Variants in COL26A1 observed in about 807,000 individuals in gnomAD.
COL26A1 encodes collagen alpha-1(XXVI) chain.
COL26A1 carries 41 observed loss-of-function variants against 59.3 expected under a neutral mutation model. The observed-to-expected ratio is 0.69, with a 90% CI of 0.54 to 0.90. The LOEUF (loss-of-function observed/expected upper bound fraction) is 0.90. COL26A1 is among the 40% of genes least tolerant of loss of function. COL26A1 has a pLI of 0.00. For synonymous variants in COL26A1, 266 were observed against 256.0 expected, an observed-to-expected ratio of 1.04 and a Z score of -0.37; for missense variants, 612 against 602.3, an observed-to-expected ratio of 1.02 and a Z score of -0.17.
chr7:101,534,559 GAC>G (rs1478955176), intron 4 of COL26A1, among the ~76,000 whole-genome samples: 1 of 151,716 alleles, frequency 6.6e-6, no homozygotes, highest in Non-Finnish European at 1.5e-5. Context: ...CAAAAACAGG[GAC>G]ACACATATGT....
intron 1 of COL26A1, among the ~76,000 whole-genome samples, chr7:101,407,925 A>G (rs1486913341): frequency 6.6e-6 from 1 of 152,150 alleles, no homozygotes; most frequent in Non-Finnish European, 1.5e-5. Flanking sequence ...GCATACCATT[A>G]AGATGGGTAT....
At position 101,555,914 on chromosome 7, in the gene COL26A1, C is replaced by T. The variant is rs73413438; in HGVS notation, c.1165+43C>T. The T allele has an allele frequency of 2.2e-3, 3,309 of 1,497,684 alleles. 59 individuals are homozygous for T. The African/African-American group carries it at 0.039, about 18-fold the overall frequency. The allele number at this position is 1,497,684 out of a possible 1,614,324, so 92.8% of individuals were successfully genotyped here. On this transcript the variant is annotated intron_variant, in intron 12 of 12. Transcript: ENST00000313669. ...TCAGCGGGCTGGGAATCTCTCTCCC[C>T]TCCTTCCTCTCCCAATGCTGCCCTC...
At chr7:101,385,250 T>TATATATATAC (rs1554403690) in intron 1 of COL26A1, among the ~76,000 whole-genome samples, 2 of 147,766 alleles carry the variant, frequency 1.4e-5, no homozygotes, top group Admixed American at 1.4e-4. Flanking sequence ...TATATATATA[T>TATATATATAC]ACACACACAC....
chr7:101,406,921 G>T (rs1296066404), intron 1 of COL26A1, among the ~76,000 whole-genome samples: 2 of 152,242 alleles, frequency 1.3e-5, no homozygotes, highest in Non-Finnish European at 2.9e-5. Flanking sequence ...CTGCACTCCA[G>T]CCCGGGCAAC....
chr7:101,542,795 C>CT (rs1001539573), intron 5 of COL26A1, among the ~76,000 whole-genome samples: 3 of 111,616 alleles, frequency 2.7e-5, no homozygotes, highest in African/African-American at 1.7e-4. Context: ...CTCACTCTGG[C>CT]CCCCGGCCTA....
chr7:101,420,667 T>C (rs77781249), intron 2 of COL26A1, among the ~76,000 whole-genome samples: 23 of 39,524 alleles, frequency 5.8e-4, no homozygotes, highest in Non-Finnish European at 2.1e-4. Context: ...CCTCACCAGC[T>C]CTGCCCCTAC....
chr7:101,375,560 T>G (rs1225875311), intron 1 of COL26A1, among the ~76,000 whole-genome samples: 1 of 151,560 alleles, frequency 6.6e-6, no homozygotes, highest in East Asian at 1.9e-4. Flanking sequence ...ATTAGCCAGG[T>G]GTGGTAGGGC....
At chr7:101,502,578 G>A (rs903577344) in intron 3 of COL26A1, among the ~76,000 whole-genome samples, 1 of 152,222 alleles carries the variant, frequency 6.6e-6, no homozygotes, top group Non-Finnish European at 1.5e-5. Context: ...GGCAGGTGCT[G>A]TGGAGAACAC....
At chr7:101,442,896 C>T (rs759179893) in intron 2 of COL26A1, among the ~76,000 whole-genome samples, 3 of 151,914 alleles carry the variant, frequency 2.0e-5, no homozygotes, top group East Asian at 3.9e-4. Flanking sequence ...TGTGCAAGCA[C>T]GAGTGTGCAC....
intron 1 of COL26A1, among the ~76,000 whole-genome samples, chr7:101,372,318 A>C (rs1396224862): frequency 6.6e-6 from 1 of 151,994 alleles, no homozygotes; most frequent in African/African-American, 2.4e-5. Context: ...GGCGCCCACC[A>C]ACATGCCAGG....
intron 1 of COL26A1, among the ~76,000 whole-genome samples, chr7:101,409,153 C>A (rs1440772643): frequency 6.6e-6 from 1 of 152,138 alleles, no homozygotes; most frequent in African/African-American, 2.4e-5. Flanking sequence ...GGAAGAGAAA[C>A]CACTCCATGC....
At chr7:101,473,615 C>T (rs1404900034) in intron 3 of COL26A1, among the ~76,000 whole-genome samples, 1 of 38,726 alleles carries the variant, frequency 2.6e-5, no homozygotes, top group Non-Finnish European at 5.9e-5. Flanking sequence ...TCTCCACACA[C>T]ACACACACAC....
At chr7:101,429,620 T>C (rs1792733534) in intron 2 of COL26A1, among the ~76,000 whole-genome samples, 1 of 125,288 alleles carries the variant, frequency 8.0e-6, no homozygotes, top group African/African-American at 3.2e-5. Context: ...TGAGACAGGA[T>C]TTTGCTCTGT....
At position 101,510,027 on chromosome 7, in the gene COL26A1, C is replaced by CTTTTTTTTTTTTTTTTTTTTTTTT. The variant is rs3073374; in HGVS notation, c.386-23041_386-23040insTTTTTTTTTTTTTTTTTTTTTTTT. Among the ~76,000 whole-genome samples the CTTTTTTTTTTTTTTTTTTTTTTTT allele has an allele frequency of 6.4e-3, 781 of 122,202 alleles. 111 individuals carry two copies. Among genetic ancestry groups the CTTTTTTTTTTTTTTTTTTTTTTTT allele is most frequent in the African/African-American group, 0.03 (726 of 24,574 alleles). 80.2% of individuals were successfully genotyped at this position (122,202 alleles called of 152,430 possible). A position where few individuals can be genotyped will look rare whatever the true frequency, so the allele number is the denominator to read the frequency against. On this transcript the variant is annotated intron_variant, in intron 3 of 12. Transcript: ENST00000313669. ...ATAGGCATAAGCCATCGCGCCCAGTCTTTTTTTTTTTTTTAAGAGGGTCTC... is the reference window on the plus strand; with the variant it reads ...ATAGGCATAAGCCATCGCGCCCAGTCTTTTTTTTTTTTTTTTTTTTTTTTTTTTTTTTTTTTTTAAGAGGGTCTC...
intron 5 of COL26A1, among the ~76,000 whole-genome samples, chr7:101,541,370 T>C (rs1355356646): frequency 6.6e-6 from 1 of 152,178 alleles, no homozygotes; most frequent in Non-Finnish European, 1.5e-5. Context: ...TTTGAGACAA[T>C]GTATTGCTCT....
rs919460871 is a variant in COL26A1 at position 101,544,008 on chromosome 7, G to A, written c.615G>A (p.Gly205=). 7.0e-6 allele frequency: 11 copies of A among 1,576,942 alleles called. No homozygotes were observed. The highest frequency in any genetic ancestry group is 1.7e-4 in the Middle Eastern group (1 of 6,016). ...TCCTTCTCTCCCCAGGGCCCCCGGGGCAGACAGGACCACCAGGGCCTGCAG... is the reference window on the plus strand; with the variant it reads ...TCCTTCTCTCCCCAGGGCCCCCGGGACAGACAGGACCACCAGGGCCTGCAG... ...RRPTGPAGPP[G]QTGPPGPAGP... The change falls in exon 6 of 13, where the codon GGG becomes GGA. Residue 205 remains glycine (G), a synonymous_variant. Coordinates refer to ENST00000313669, the MANE Select transcript of COL26A1 (RefSeq NM_001278563.3).
chr7:101,438,958 G>A (rs1279147425), intron 2 of COL26A1, among the ~76,000 whole-genome samples: 1 of 152,156 alleles, frequency 6.6e-6, no homozygotes, highest in Non-Finnish European at 1.5e-5. Context: ...GATTACAGGC[G>A]TGAGCCACAG....
At chr7:101,499,297 T>G (rs772227015) in intron 3 of COL26A1, among the ~76,000 whole-genome samples, 3 of 152,178 alleles carry the variant, frequency 2.0e-5, no homozygotes, top group Non-Finnish European at 4.4e-5. Context: ...CTCCCAGCAC[T>G]TTGGGAGGCC....
rs1191376433 is a variant in COL26A1, at chr7:101,472,127, G to A, written c.385+24340G>A. ...TCAAGCTATCCTCCTGCCTCAGACC[G>A]CCAAGTAGCTAAGACTATAGGCATG... On this transcript the variant is annotated intron_variant, in intron 3 of 12. Transcript: ENST00000313669. Among the ~76,000 whole-genome samples the A allele has an allele frequency of 3.3e-5, 5 of 151,976 alleles. No homozygotes were observed. The South Asian group carries it at 6.2e-4, about 19-fold the overall frequency.
Sources: allele counts gnomAD v4.1 joint callset (sites outside exome capture counted in the v4.1 genomes callset), GRCh38; gene constraint gnomAD v4.1.1; transcripts MANE v1.5; gene names NCBI Gene and HGNC (gene_info 2026-07-23, HGNC 2026-07-21).